WDR91: variants seen among roughly 807,000 people sequenced by gnomAD.
The protein encoded by WDR91 is WD repeat domain 91.
In WDR91, 52 loss-of-function variants were observed where a neutral mutation model predicts 88.4. That is an observed-to-expected ratio of 0.59 (90% confidence interval 0.47 to 0.74). The LOEUF (loss-of-function observed/expected upper bound fraction) is 0.74. Among genes scored for constraint, WDR91 ranks in the 30% least tolerant of loss-of-function variants. The probability of loss-of-function intolerance (pLI) is 0.00; values close to 1 mark genes in which losing one functional copy is unlikely to be tolerated. For missense variants in WDR91, 824 were observed against 954.5 expected (o/e 0.86, Z 1.80); for synonymous variants, 362 against 389.5 (o/e 0.93, Z 0.83).
At chr7:135,201,773 C>T (rs187370088) in intron 6 of WDR91, among the ~76,000 whole-genome samples, 48 of 151,890 alleles carry the variant, frequency 3.2e-4, no homozygotes, top group African/African-American at 1.1e-3. Context: ...AAAACCAATG[C>T]CATTGTATAC....
At chr7:135,209,357 T>C (rs1344003982) in intron 2 of WDR91, 12 of 461,494 alleles carry the variant, frequency 2.6e-5, no homozygotes, top group African/African-American at 1.0e-4. Context: ...ATGCTTAACA[T>C]AAAAAAGGAA....
At position 135,206,193 on chromosome 7, in the gene WDR91, C is replaced by T. The variant is rs1211376617; in HGVS notation, c.595-135G>A. On this transcript the variant is annotated intron_variant, in intron 4 of 14. Coordinates refer to ENST00000354475, the MANE Select transcript of WDR91 (RefSeq NM_014149.4). The stretch of plus-strand genomic sequence containing the variant: ...CCTCAGCGTCAAGGGGCCCATCTCA[C>T]TCTGCTCACTGCAGACTGGGAAAAG... 6.3e-6 allele frequency: 7 copies of T among 1,116,202 alleles called. No individual in the cohort carries two copies. The South Asian group carries it at 7.0e-5, about 11-fold the overall frequency. 69.1% of individuals were successfully genotyped at this position (1,116,202 alleles called of 1,614,324 possible).
rs1487117803 is a variant in WDR91, at chr7:135,193,559, G to A, written c.1490+19C>T. 1 of 1,613,884 alleles carries A rather than the reference G, an allele frequency of 6.2e-7. No homozygotes were observed. The highest frequency in any genetic ancestry group is 8.5e-7 in the Non-Finnish European group (1 of 1,179,892). ...TGGCAGCCTGCGGCCTTGATGGTGG[G>A]GGGTAGGTTCCAGTTCACCTGGGCA... is the stretch of plus-strand genomic sequence containing the variant. On this transcript the variant is annotated intron_variant, in intron 10 of 14. Transcript: ENST00000354475.
In WDR91 at chr7:135,186,976, T is replaced by C. The variant is rs1830968184; in HGVS notation, c.2075A>G (p.Tyr692Cys). The part of the protein sequence containing the change: ...LTCSATGGVI[Y>C]KLGGDEKVLE... ...CCACCCCCAACCATCAGTTACCTTG[T>C]AGATGACGCCGCCTGTGGCAGAACA... Residue 692 changes from tyrosine (Y) to cysteine (C), a missense_variant, in exon 14 of 15, where the codon TAC (tyrosine) becomes TGC (cysteine). Transcript: ENST00000354475. The C allele has an allele frequency of 2.5e-6, 4 of 1,613,662 alleles. No homozygotes were observed. The highest frequency in any genetic ancestry group is 2.2e-5 in the East Asian group (1 of 44,888).
rs1384407535 is a variant in WDR91 at position 135,187,228 on chromosome 7, AG to A, written c.1882-60del. 6 of 1,573,534 alleles carry A rather than the reference AG, an allele frequency of 3.8e-6. No individual in the cohort carries two copies. The East Asian group carries it at 1.4e-4, about 35-fold the overall frequency. On this transcript the variant is annotated intron_variant, in intron 13 of 14. Coordinates refer to ENST00000354475, the MANE Select transcript of WDR91 (RefSeq NM_014149.4). ...GCGGAGCTGGCCAATGCAGGCCTCA[AG>A]GAAGAGCCAGGACCCACCCCACAGC... is the stretch of plus-strand genomic sequence containing the variant.
At chr7:135,206,721 G>A (rs535465740) in intron 4 of WDR91, among the ~76,000 whole-genome samples, 33 of 150,944 alleles carry the variant, frequency 2.2e-4, no homozygotes, top group African/African-American at 7.3e-4. Flanking sequence ...GTGTGTGTGT[G>A]TATATATAGT....
chr7:135,197,190 G>C (rs900164814), intron 7 of WDR91: 1 of 152,232 alleles, frequency 6.6e-6, no homozygotes, highest in Non-Finnish European at 1.5e-5. Flanking sequence ...GACATTATGG[G>C]GCTCTGGGTG....
Position 135,187,162 on chromosome 7 carries a change from T to C in WDR91, c.1889A>G (p.Gln630Arg). Reference sequence around the variant, plus strand: ...GAGGCCACTCTTGTGGATGTTCCACTGGATGAACTGCAGTCACAGGGCACA... The same window carrying C: ...GAGGCCACTCTTGTGGATGTTCCACCGGATGAACTGCAGTCACAGGGCACA... ...YSIGEDGKFI[Q>R]WNIHKSGLKV... Residue 630 changes from glutamine to arginine, a missense_variant, in exon 14 of 15, where the codon CAG (glutamine) becomes CGG (arginine). Physicochemically the swap from Gln to Arg is conservative, Grantham distance 43. Transcript: ENST00000354475. The C allele has an allele frequency of 3.7e-6, 6 of 1,614,126 alleles. No individual in the cohort carries two copies. The highest frequency in any genetic ancestry group is 5.1e-6 in the Non-Finnish European group (6 of 1,180,032).
chr7:135,186,159 T>C lies in WDR91; in HGVS notation c.2236A>G (p.Lys746Glu). 2 of 1,596,610 alleles carry C rather than the reference T, an allele frequency of 1.3e-6. No individual in the cohort carries two copies. Among genetic ancestry groups the C allele is most frequent in the Non-Finnish European group, 1.7e-6 (2 of 1,173,464 alleles). Reference protein sequence around the residue: ...KIKLTTLLAHKA With the variant: ...KIKLTTLLAHEA The stretch of plus-strand genomic sequence containing the variant: ...GCCCTTGGGGCAAGTCATCAGGCTT[T>C]ATGGGCCAGGAGGGTGGTCAGCTTG... Residue 746 changes from lysine (K) to glutamate (E), a missense_variant, in exon 15 of 15, where the codon AAA becomes GAA. Physicochemically the swap from Lys to Glu is moderately conservative, Grantham distance 56. Transcript: ENST00000354475.
At position 135,209,720 on chromosome 7, in the gene WDR91, C is replaced by G. The variant is rs749542095; in HGVS notation, c.159G>C (p.Met53Ile). The change falls in exon 2 of 15, where the codon ATG becomes ATC. Residue 53 changes from methionine to isoleucine, a missense_variant. By Grantham distance (10) the Met-to-Ile change is conservative. Transcript: ENST00000354475. ...DKIVDQLQQL[M>I]QVYDLAALRD... ...GAAGGGCAGCCAAGTCATACACCTG[C>G]ATTAACTGCTGCAGCTGGTCCACAA... The G allele has an allele frequency of 6.2e-7, 1 of 1,610,618 alleles. No individual in the cohort carries two copies. The highest frequency in any genetic ancestry group is 8.5e-7 in the Non-Finnish European group (1 of 1,178,714).
intron 8 of WDR91, 125 bp from the exon 9 acceptor site, chr7:135,195,209 C>T (rs1263484705): frequency 1.0e-6 from 1 of 980,886 alleles, no homozygotes; most frequent in Non-Finnish European, 1.5e-6. Flanking sequence ...TAGAGGTCTA[C>T]ATTCAAAGGA....
intron 11 of WDR91, among the ~76,000 whole-genome samples, chr7:135,192,628 G>T (rs1831211437): frequency 6.6e-6 from 1 of 152,212 alleles, no homozygotes; most frequent in South Asian, 2.1e-4. Context: ...CCCACTGAAA[G>T]CAGGAGCCTT....
chr7:135,201,753 G>A (rs888298854), intron 6 of WDR91, among the ~76,000 whole-genome samples: 9 of 152,124 alleles, frequency 5.9e-5, no homozygotes, highest in African/African-American at 2.2e-4. Flanking sequence ...AAAGCAATGT[G>A]GCTTATTTAA....
At chr7:135,197,931 C>T in intron 7 of WDR91, 62 bp downstream of exon 7, 2 of 1,565,998 alleles carry the variant, frequency 1.3e-6, no homozygotes, top group South Asian at 1.2e-5. Context: ...AGAGAAGACC[C>T]CCCACAGTGT....
chr7:135,206,796 C>A (rs1013410350), intron 4 of WDR91, among the ~76,000 whole-genome samples: 1 of 151,124 alleles, frequency 6.6e-6, no homozygotes, highest in Non-Finnish European at 1.5e-5. Context: ...TATAGCTATA[C>A]GTGGAAAGAC....
At chr7:135,199,598 A>C (rs1355649254) in intron 6 of WDR91, 1 of 152,238 alleles carries the variant, frequency 6.6e-6, no homozygotes, top group Non-Finnish European at 1.5e-5. Context: ...AATCACTGAA[A>C]ATGCAAACAC....
chr7:135,190,249 G>A (rs1831113379), intron 11 of WDR91, among the ~76,000 whole-genome samples: 2 of 152,150 alleles, frequency 1.3e-5, no homozygotes, highest in Non-Finnish European at 2.9e-5. Context: ...CCGTCACATG[G>A]AGCTGAGACT....
chr7:135,195,118 G>T (rs533900360), intron 8 of WDR91, 34 bp from the exon 9 acceptor site: 1 of 1,598,566 alleles, frequency 6.3e-7, no homozygotes, highest in Non-Finnish European at 8.5e-7. Context: ...CTGTCAGCTG[G>T]CCTCTCAGTC....
chr7:135,200,145 T>C (rs571127037), intron 6 of WDR91: 1 of 152,348 alleles, frequency 6.6e-6, no homozygotes, highest in African/African-American at 2.4e-5. Context: ...GATAATAATA[T>C]ATTAAAAGCT....
Sources: allele counts gnomAD v4.1 joint callset (sites outside exome capture counted in the v4.1 genomes callset), GRCh38; gene constraint gnomAD v4.1.1; transcripts MANE v1.5; gene names NCBI Gene and HGNC (gene_info 2026-07-23, HGNC 2026-07-21).